RBFOX1: variants seen among roughly 807,000 people sequenced by gnomAD.
The protein encoded by RBFOX1 is RNA binding fox-1 homolog 1.
Under a neutral mutation model 57.7 loss-of-function variants are expected in RBFOX1, and 8 were observed. The ratio of observed to expected loss-of-function variants is 0.14; its 90% CI spans 0.08 to 0.25. The LOEUF (loss-of-function observed/expected upper bound fraction) is 0.25, where lower values mean the gene tolerates loss of function less well. RBFOX1 is among the 10% of genes least tolerant of loss of function. The probability of loss-of-function intolerance (pLI) is 1.00; values close to 1 mark genes in which losing one functional copy is unlikely to be tolerated. For missense variants in RBFOX1, 611 were observed against 548.5 expected (o/e 1.11, Z -1.14); for synonymous variants, 326 against 222.4 (o/e 1.47, Z -4.15).
At chr16:5,994,117 C>G (rs1200760978) in intron 4 of RBFOX1, among the ~76,000 whole-genome samples, 1 of 152,100 alleles carries the variant, frequency 6.6e-6, no homozygotes, top group African/African-American at 2.4e-5. Context: ...CCTGTTTTTC[C>G]AGCTGTAATG....
chr16:7,266,776 AAAAT>A (rs2095159267), intron 4 of RBFOX1, among the ~76,000 whole-genome samples: 1 of 152,216 alleles, frequency 6.6e-6, no homozygotes, highest in African/African-American at 2.4e-5. Flanking sequence ...AAAGGGAAAA[AAAAT>A]AAGAAAACAT....
intron 3 of RBFOX1, among the ~76,000 whole-genome samples, chr16:5,614,861 C>CA (rs1289062951): frequency 1.3e-5 from 2 of 152,272 alleles, no homozygotes; most frequent in African/African-American, 2.4e-5. Context: ...GGACAGTGCA[C>CA]ACCCGTTGAC....
intron 1 of RBFOX1, among the ~76,000 whole-genome samples, chr16:6,098,676 C>G (rs368234619): frequency 6.6e-6 from 1 of 152,170 alleles, no homozygotes; most frequent in African/African-American, 2.4e-5. Context: ...TCATTTCCAC[C>G]AAAAAGCTCA....
At chr16:7,617,758 A>G (rs1400086349) in intron 10 of RBFOX1, among the ~76,000 whole-genome samples, 1 of 152,230 alleles carries the variant, frequency 6.6e-6, no homozygotes, top group Non-Finnish European at 1.5e-5. Flanking sequence ...AGAAGTCAAC[A>G]GGGTAGTAGA....
At chr16:6,257,655 A>G (rs2097676628) in intron 1 of RBFOX1, among the ~76,000 whole-genome samples, 2 of 152,094 alleles carry the variant, frequency 1.3e-5, no homozygotes, top group African/African-American at 4.8e-5. Flanking sequence ...GTTCCCATTT[A>G]TAAGTGAGAC....
At chr16:7,166,109 A>G (rs8055753) in intron 4 of RBFOX1, among the ~76,000 whole-genome samples, 33,394 of 151,874 alleles carry the variant, frequency 0.22, 4,531 homozygotes, top group East Asian at 0.42. Context: ...TGCCTCCGGG[A>G]TTCAAGTGAT....
intron 2 of RBFOX1, among the ~76,000 whole-genome samples, chr16:5,590,970 G>C (rs7199825): frequency 0.2 from 30,731 of 151,540 alleles, 3,443 homozygotes; most frequent in East Asian, 0.32. Context: ...GACTCCTGTC[G>C]TCCAAAGCGA....
chr16:6,912,371 C>G (rs774108552), intron 3 of RBFOX1, among the ~76,000 whole-genome samples: 5 of 151,960 alleles, frequency 3.3e-5, no homozygotes, highest in Admixed American at 6.6e-5. Flanking sequence ...ATGTGGATCT[C>G]GGAGTGGGGA....
At chr16:7,428,521 ATTATTATTATTATTATTATTT>A (rs2098645916) in intron 4 of RBFOX1, among the ~76,000 whole-genome samples, 3 of 145,248 alleles carry the variant, frequency 2.1e-5, no homozygotes, top group Admixed American at 7.0e-5. Context: ...TATTATTATT[ATTATTATTATTATTATTATTT>A]GTAGTTTTAG....
chr16:7,104,773 C>G (rs1161419852), intron 4 of RBFOX1, among the ~76,000 whole-genome samples: 1 of 152,146 alleles, frequency 6.6e-6, no homozygotes, highest in African/African-American at 2.4e-5. Flanking sequence ...GAGTATTGCT[C>G]TACCTTTTTT....
At chr16:6,399,415 C>T (rs1397790545) in intron 2 of RBFOX1, among the ~76,000 whole-genome samples, 1 of 152,218 alleles carries the variant, frequency 6.6e-6, no homozygotes. Flanking sequence ...CCACTGATCT[C>T]TAGGGCAGGA....
chr16:6,436,969 T>A (rs2094253269), intron 2 of RBFOX1, among the ~76,000 whole-genome samples: 1 of 152,198 alleles, frequency 6.6e-6, no homozygotes, highest in African/African-American at 2.4e-5. Context: ...AGGCCCAGAA[T>A]CCGAGATGTC....
chr16:6,648,586 C>T (rs2098552298), intron 2 of RBFOX1, among the ~76,000 whole-genome samples: 2 of 152,186 alleles, frequency 1.3e-5, no homozygotes, highest in East Asian at 1.9e-4. Context: ...CTTCAGTCCA[C>T]TGCCACATCC....
intron 4 of RBFOX1, among the ~76,000 whole-genome samples, chr16:7,293,246 A>T (rs1180912493): frequency 6.6e-6 from 1 of 152,200 alleles, no homozygotes; most frequent in Non-Finnish European, 1.5e-5. Context: ...GCATTGAAAC[A>T]ACTATTTACA....
intron 3 of RBFOX1, among the ~76,000 whole-genome samples, chr16:6,949,423 A>T (rs1355511925): frequency 6.6e-5 from 10 of 152,152 alleles, no homozygotes; most frequent in Non-Finnish European, 4.4e-5. Flanking sequence ...CCATAACAAA[A>T]TACCACAGGC....
At chr16:7,552,907 T>TGCC (rs1366600263) in intron 5 of RBFOX1, among the ~76,000 whole-genome samples, 1 of 152,100 alleles carries the variant, frequency 6.6e-6, no homozygotes, top group Non-Finnish European at 1.5e-5. Flanking sequence ...GGTCTCAAAC[T>TGCC]GCCGACCTCA....
At chr16:6,879,086 C>G (rs1046072370) in intron 3 of RBFOX1, among the ~76,000 whole-genome samples, 1 of 152,114 alleles carries the variant, frequency 6.6e-6, no homozygotes, top group Non-Finnish European at 1.5e-5. Context: ...TTCAGAAAGC[C>G]AATGAGCTAA....
intron 4 of RBFOX1, among the ~76,000 whole-genome samples, chr16:7,221,707 A>G (rs1055971212): frequency 6.6e-6 from 1 of 152,164 alleles, no homozygotes; most frequent in African/African-American, 2.4e-5. Context: ...CTCCACATAT[A>G]TACTTTTAAA....
At chr16:7,480,011 G>A (rs1257665120) in intron 4 of RBFOX1, among the ~76,000 whole-genome samples, 1 of 152,172 alleles carries the variant, frequency 6.6e-6, no homozygotes. Context: ...GTTCCAGCCT[G>A]ATGTTCCCCA....
Sources: allele counts gnomAD v4.1 joint callset (sites outside exome capture counted in the v4.1 genomes callset), GRCh38; gene constraint gnomAD v4.1.1; transcripts MANE v1.5; gene names NCBI Gene and HGNC (gene_info 2026-07-23, HGNC 2026-07-21).